TCF20: variants seen among roughly 807,000 people sequenced by gnomAD.
The protein encoded by TCF20 is transcription factor 20, also known as SPRE-binding protein.
Under a neutral mutation model 148.6 loss-of-function variants are expected in TCF20, and 3 were observed. The ratio of observed to expected loss-of-function variants is 0.02; its 90% confidence interval spans 0.01 to 0.05. The LOEUF (loss-of-function observed/expected upper bound fraction) is 0.05, where lower values mean the gene tolerates loss of function less well. TCF20 is among the 10% of genes least tolerant of loss of function. The pLI, the probability that TCF20 is intolerant of heterozygous loss-of-function variation, is 1.00. For synonymous variants in TCF20, 1,049 were observed against 909.5 expected (o/e 1.15, Z -2.76); for missense variants, 2,350 against 2,429.3 (o/e 0.97, Z 0.69).
chr22:42,319,549 T>C (rs994555072), intron 1 of TCF20, among the ~76,000 whole-genome samples: 6 of 152,014 alleles, frequency 3.9e-5, no homozygotes, highest in South Asian at 2.1e-4. Context: ...CCCAGTAAAA[T>C]AGGACATTAT....
intron 1 of TCF20, among the ~76,000 whole-genome samples, chr22:42,243,606 A>G (rs944402891): frequency 6.6e-6 from 1 of 152,050 alleles, no homozygotes; most frequent in Admixed American, 6.6e-5. Flanking sequence ...CCTCTCAAAA[A>G]CAAACAAAAA....
At chr22:42,185,318 A>G (rs1256444686) in intron 2 of TCF20, among the ~76,000 whole-genome samples, 1 of 152,130 alleles carries the variant, frequency 6.6e-6, no homozygotes, top group Non-Finnish European at 1.5e-5. Flanking sequence ...CATCTCCCCT[A>G]AACTGTGAGA....
Position 42,290,084 on chromosome 22 carries a change from C to T in TCF20, c.-37+53395G>A, listed in dbSNP as rs1927106375. Among the ~76,000 whole-genome samples the T allele has an allele frequency of 6.6e-6, 1 of 152,222 alleles. No individual in the cohort carries two copies. Among genetic ancestry groups the T allele is most frequent in the African/African-American group, 2.4e-5 (1 of 41,458 alleles). On this transcript the variant is annotated intron_variant, in intron 1 of 1. Transcript: ENST00000515426. The surrounding 1 kb of genome is among the most constrained non-coding windows in gnomAD (Gnocchi z 4.2). ...CCGCCGCACGCATGCGCCCCCTGCA[C>T]CGCCGGCTGCTGCTTGGGGAGCGGG...
chr22:42,162,677 GC>G lies in TCF20; in HGVS notation c.*45-1320del, dbSNP rs371499964. Among the ~76,000 whole-genome samples the G allele has an allele frequency of 9.3e-4, 142 of 152,266 alleles. No individual in the cohort carries two copies. In the East Asian group the frequency reaches 0.024, roughly 25 times the overall value. ...CACTGTGCTTAAGACTGTCACTGGG[GC>G]TCACCTAACTGCTTCCTCAAGACCA... On this transcript the variant is annotated intron_variant, in intron 5 of 5. Transcript: ENST00000677622.
Position 42,213,025 on chromosome 22 carries a change from G to A in TCF20, c.2281C>T (p.His761Tyr), listed in dbSNP as rs776423394. The A allele has an allele frequency of 7.2e-5, 117 of 1,614,046 alleles. 3 individuals are homozygous for A. The South Asian group carries it at 8.7e-4, about 12-fold the overall frequency. ...SLLQEVLQGY[H>Y]HHPDRRYSRS... The stretch of plus-strand genomic sequence containing the variant: ...GAATATCTCCTGTCAGGGTGGTGGT[G>A]GTAACCCTGAAGCACTTCCTGCAGG... Residue 761 changes from histidine (H) to tyrosine (Y), a missense_variant, in exon 2 of 6, where the codon CAC becomes TAC. Physicochemically the swap from His to Tyr is moderately conservative, Grantham distance 83. Coordinates refer to ENST00000677622, the MANE Select transcript of TCF20 (RefSeq NM_001378418.1).
Position 42,211,235 on chromosome 22 carries a change from C to T in TCF20, c.4071G>A (p.Gln1357=). 1 of 1,614,180 alleles carries T rather than the reference C, an allele frequency of 6.2e-7. No homozygotes were observed. Among genetic ancestry groups the T allele is most frequent in the Non-Finnish European group, 8.5e-7 (1 of 1,180,036 alleles). ...TCCTAATATTTGGGGATGTAATCTT[C>T]TGAACTATAGCTTCCAATTTCAATC... ...GRGLKLEAIV[Q]KITSPNIRRS... The change falls in exon 2 of 6, where the codon CAG becomes CAA. Residue 1357 remains glutamine, a synonymous_variant. Coordinates refer to ENST00000677622, the MANE Select transcript of TCF20 (RefSeq NM_001378418.1).
At chr22:42,186,616 GT>G (rs1424563948) in intron 2 of TCF20, among the ~76,000 whole-genome samples, 2 of 152,036 alleles carry the variant, frequency 1.3e-5, no homozygotes, top group Non-Finnish European at 2.9e-5. Context: ...GCTGCTGGTC[GT>G]TTTTTTGGTA....
At chr22:42,207,614 G>C (rs530490634) in intron 2 of TCF20, among the ~76,000 whole-genome samples, 2 of 152,102 alleles carry the variant, frequency 1.3e-5, no homozygotes, top group East Asian at 1.9e-4. Context: ...TCAGGAGCTC[G>C]AGACCAGACT....
At chr22:42,273,332 C>A (rs930098384), upstream of TCF20, among the ~76,000 whole-genome samples, 2 of 123,202 alleles carry the variant, frequency 1.6e-5, no homozygotes, top group Non-Finnish European at 3.2e-5. Flanking sequence ...TGCACTCCAG[C>A]CTGGGCGACA....
chr22:42,296,857 C>T (rs534844724), intron 1 of TCF20, among the ~76,000 whole-genome samples: 4 of 152,326 alleles, frequency 2.6e-5, no homozygotes, highest in South Asian at 2.1e-4. Flanking sequence ...GAAAGCAGCA[C>T]GAGGAGCAGG....
At chr22:42,232,943 C>CA (rs886584818) in intron 1 of TCF20, among the ~76,000 whole-genome samples, 6 of 151,934 alleles carry the variant, frequency 3.9e-5, no homozygotes, top group Non-Finnish European at 7.4e-5. Context: ...TGTTTTGAGA[C>CA]AGAGTCTCCC....
chr22:42,207,996 T>A (rs1018529279), intron 2 of TCF20, among the ~76,000 whole-genome samples: 3 of 152,168 alleles, frequency 2.0e-5, no homozygotes, highest in African/African-American at 4.8e-5. Context: ...GAGACCAGCC[T>A]GCCTGGGCAA....
chr22:42,308,085 C>G (rs1176240608), intron 1 of TCF20, among the ~76,000 whole-genome samples: 1 of 152,226 alleles, frequency 6.6e-6, no homozygotes, highest in Non-Finnish European at 1.5e-5. Context: ...TCCTTCCAGG[C>G]CATTATCTCG....
rs1044619999 is a variant in TCF20 at position 42,270,559 on chromosome 22, G to A, written c.-257C>T. 6.9e-6 allele frequency among the ~76,000 whole-genome samples: 1 copy of A among 145,386 alleles called. No homozygotes were observed. Among genetic ancestry groups the A allele is most frequent in the African/African-American group, 2.5e-5 (1 of 40,564 alleles). ...CCCGGTCAGGCGCGCCTCAGGGCGG[G>A]CTCCCCTGGCGGAGGCCGCGGCCGC... On this transcript the variant is annotated 5_prime_UTR_variant, in exon 1 of 6. Transcript: ENST00000677622.
At chr22:42,168,465 A>C (rs1228447956) in intron 5 of TCF20, 144 bp downstream of exon 5, 6 of 1,254,406 alleles carry the variant, frequency 4.8e-6, no homozygotes, top group Non-Finnish European at 6.5e-6. Context: ...CTAAGTAACC[A>C]ATGGAAGAAC....
chr22:42,199,537 T>G (rs775218850), intron 2 of TCF20, among the ~76,000 whole-genome samples: 3 of 151,842 alleles, frequency 2.0e-5, no homozygotes, highest in Non-Finnish European at 4.4e-5. Flanking sequence ...CAGTCTTGGT[T>G]TTTCACCACA....
In TCF20 at chr22:42,211,325, G is replaced by C; in HGVS notation, c.3981C>G (p.Asn1327Lys). The C allele has an allele frequency of 6.2e-7, 1 of 1,614,202 alleles. No individual in the cohort carries two copies. Among genetic ancestry groups the C allele is most frequent in the Non-Finnish European group, 8.5e-7 (1 of 1,180,042 alleles). The change falls in exon 2 of 6, where the codon AAC becomes AAG. Residue 1327 changes from asparagine to lysine, a missense_variant. This residue lies in a region of TCF20 where 1,641 missense variants were observed against 1,662.6 expected (regional missense o/e 0.99). Coordinates refer to ENST00000677622, the MANE Select transcript of TCF20 (RefSeq NM_001378418.1). ...SKDLPSPDSRNCPAVTLTSPA... is the reference protein window; with the variant it reads ...SKDLPSPDSRKCPAVTLTSPA... ...GGCTTGTGAGGGTAACAGCAGGGCA[G>C]TTTCTACTATCTGGACTTGGAAGGT...
intron 1 of TCF20, among the ~76,000 whole-genome samples, chr22:42,254,763 G>A (rs1218774927): frequency 1.3e-5 from 2 of 152,108 alleles, no homozygotes; most frequent in Non-Finnish European, 2.9e-5. Flanking sequence ...TCAGCAGATC[G>A]AGAATATCTT....
At chr22:42,305,523 CA>C (rs1927415930) in intron 1 of TCF20, among the ~76,000 whole-genome samples, 1 of 152,204 alleles carries the variant, frequency 6.6e-6, no homozygotes, top group Non-Finnish European at 1.5e-5. Flanking sequence ...CTCACCCCAC[CA>C]GAACCTGCTG....
Sources: gnomAD v4.1 joint callset for allele counts (sites outside exome capture counted in the v4.1 genomes callset) on GRCh38, gnomAD v4.1.1 for gene constraint, gnomAD v4.1.1 regional missense constraint, Gnocchi (gnomAD v3.1) non-coding constraint, MANE v1.5 for transcripts, NCBI Gene and HGNC (gene_info 2026-07-23, HGNC 2026-07-21) for gene names.